ANKRD31: variants seen among roughly 807,000 people sequenced by gnomAD.
ANKRD31 encodes ankyrin repeat domain 31.
ANKRD31 carries 147 observed loss-of-function variants against 186.0 expected under a neutral mutation model. The ratio of observed to expected loss-of-function variants is 0.79; its 90% CI spans 0.69 to 0.91. The LOEUF is 0.91. Ranked by LOEUF, ANKRD31 falls within the 40% of genes least tolerant of loss-of-function variation. ANKRD31 has a pLI of 0.00. For missense variants in ANKRD31, 1,986 were observed against 2,148.8 expected (o/e 0.92, Z 1.50); for synonymous variants, 673 against 736.4 (o/e 0.91, Z 1.39).
chr5:75,147,542 A>G, intron 13 of ANKRD31, 37 bp from the exon 14 acceptor site: 10 of 1,275,572 alleles, frequency 7.8e-6, no homozygotes, highest in Non-Finnish European at 1.0e-5. Context: ...TTTAATTTTC[A>G]GCGGTAGTAC....
At chr5:75,163,342 T>C (rs1476871270) in intron 11 of ANKRD31, among the ~76,000 whole-genome samples, 1 of 152,186 alleles carries the variant, frequency 6.6e-6, no homozygotes, top group Non-Finnish European at 1.5e-5. Flanking sequence ...GTAATGCACA[T>C]AGGTCTTGGC....
At chr5:75,163,557 A>G (rs1362108385) in intron 11 of ANKRD31, among the ~76,000 whole-genome samples, 3 of 152,316 alleles carry the variant, frequency 2.0e-5, no homozygotes, top group South Asian at 2.1e-4. Context: ...GTTGACTGCA[A>G]TCATCATATG....
intron 2 of ANKRD31, among the ~76,000 whole-genome samples, chr5:75,224,344 A>G (rs1281743205): frequency 6.6e-6 from 1 of 151,674 alleles, no homozygotes; most frequent in African/African-American, 2.4e-5. Flanking sequence ...GCTGTGGCCA[A>G]TTACTCTGTA....
At chr5:75,224,576 A>G (rs1398722774) in intron 2 of ANKRD31, among the ~76,000 whole-genome samples, 3 of 151,970 alleles carry the variant, frequency 2.0e-5, no homozygotes, top group Non-Finnish European at 4.4e-5. Flanking sequence ...AATAAATGAT[A>G]TTAGGAAAAT....
intron 17 of ANKRD31, among the ~76,000 whole-genome samples, chr5:75,132,132 G>A (rs1016373687): frequency 6.6e-5 from 10 of 152,324 alleles, no homozygotes; most frequent in East Asian, 1.9e-4. Context: ...GCAGCTCCTC[G>A]CCAGCAATGG....
At chr5:75,210,518 A>C (rs1024425366) in intron 4 of ANKRD31, among the ~76,000 whole-genome samples, 7 of 152,174 alleles carry the variant, frequency 4.6e-5, no homozygotes, top group Admixed American at 1.3e-4. Flanking sequence ...AATTTCAATA[A>C]GTTTTACAAA....
At chr5:75,189,343 C>T (rs1754947744) in intron 9 of ANKRD31, among the ~76,000 whole-genome samples, 1 of 152,124 alleles carries the variant, frequency 6.6e-6, no homozygotes, top group African/African-American at 2.4e-5. Flanking sequence ...GTTTGGAGGG[C>T]AATACTCATC....
intron 3 of ANKRD31, among the ~76,000 whole-genome samples, chr5:75,215,759 A>T (rs1442723425): frequency 1.3e-5 from 2 of 152,104 alleles, no homozygotes; most frequent in Non-Finnish European, 2.9e-5. Context: ...ATTTATTTAG[A>T]AACCTGTTTC....
At chr5:75,084,221 G>T in intron 24 of ANKRD31, 51 bp downstream of exon 24, 1 of 1,292,328 alleles carries the variant, frequency 7.7e-7, no homozygotes, top group Non-Finnish European at 1.1e-6. Flanking sequence ...TTTCCAGTAG[G>T]TTTTGGTGTT....
rs182725536 is a variant in ANKRD31, at chr5:75,141,721, T to A, written c.3595+2280A>T. On this transcript the variant is annotated intron_variant, in intron 15 of 25. Coordinates refer to ENST00000506364, the MANE Select transcript of ANKRD31 (RefSeq NM_001372053.1). ...GGGATGCTGGGGTGGGAGAATCATG[T>A]GAGCCTGGGAGGTCAAGGCTGCAGT... Among the ~76,000 whole-genome samples, 4 of 152,066 alleles carry A rather than the reference T, an allele frequency of 2.6e-5. No individual in the cohort carries two copies. The East Asian group carries it at 7.8e-4, about 30-fold the overall frequency.
chr5:75,156,653 T>C (rs1180882800), intron 11 of ANKRD31, among the ~76,000 whole-genome samples: 6 of 152,112 alleles, frequency 3.9e-5, no homozygotes, highest in African/African-American at 1.2e-4. Context: ...ATCACAAGCA[T>C]CCTTAAGAAA....
chr5:75,147,418 T>C lies in ANKRD31; in HGVS notation c.1993A>G (p.Lys665Glu), dbSNP rs1333608091. Residue 665 changes from lysine to glutamate, a missense_variant, in exon 14 of 26, where the codon AAA (lysine) becomes GAA (glutamate). Lys to Glu is a moderately conservative substitution (Grantham distance 56). Transcript: ENST00000506364. ...RQKLEHVKVN[K>E]GSKASLFINK... ...ATAAATAAACTCGCTTTGCTTCCTT[T>C]ATTGACTTTTACATGTTCCAGCTTC... 1 of 1,521,708 alleles carries C rather than the reference T, an allele frequency of 6.6e-7. No homozygotes were observed. Among genetic ancestry groups the C allele is most frequent in the Non-Finnish European group, 8.8e-7 (1 of 1,141,524 alleles). The allele number at this position is 1,521,708 out of a possible 1,614,324, so 94.3% of individuals were successfully genotyped here.
At chr5:75,147,884 C>T (rs1751589445) in intron 13 of ANKRD31, among the ~76,000 whole-genome samples, 1 of 151,678 alleles carries the variant, frequency 6.6e-6, no homozygotes, top group Non-Finnish European at 1.5e-5. Flanking sequence ...TGTTGGTGTA[C>T]ATCTTTTGTG....
chr5:75,139,586 A>C lies in ANKRD31; in HGVS notation c.3596-603T>G, dbSNP rs554466879. 9.9e-5 allele frequency among the ~76,000 whole-genome samples: 15 copies of C among 152,278 alleles called. No individual in the cohort carries two copies. The South Asian group carries it at 3.1e-3, about 32-fold the overall frequency. Reference sequence around the variant, plus strand: ...CCATGCTAAAATGACAGTAAAAGAAATTTTAAAGTACCATATTAAAAAAAT... The same window carrying C: ...CCATGCTAAAATGACAGTAAAAGAACTTTTAAAGTACCATATTAAAAAAAT... On this transcript the variant is annotated intron_variant, in intron 15 of 25. Transcript: ENST00000506364.
intron 22 of ANKRD31, among the ~76,000 whole-genome samples, chr5:75,103,135 T>C (rs902645479): frequency 1.3e-5 from 2 of 152,232 alleles, no homozygotes; most frequent in African/African-American, 2.4e-5. Context: ...ATTTTCTGCA[T>C]ATGGCTAGCC....
chr5:75,181,811 C>T (rs560603973), intron 10 of ANKRD31, among the ~76,000 whole-genome samples: 50 of 151,490 alleles, frequency 3.3e-4, no homozygotes, highest in Non-Finnish European at 5.3e-4. Flanking sequence ...GTGCAGCACA[C>T]CAACGTGGCA....
intron 23 of ANKRD31, among the ~76,000 whole-genome samples, chr5:75,090,311 T>G (rs1322970375): frequency 6.6e-6 from 1 of 152,156 alleles, no homozygotes; most frequent in Non-Finnish European, 1.5e-5. Flanking sequence ...GAATCCAGAA[T>G]GTGCTGATGT....
At chr5:75,188,894 A>C (rs781356921) in intron 9 of ANKRD31, among the ~76,000 whole-genome samples, 1 of 152,226 alleles carries the variant, frequency 6.6e-6, no homozygotes, top group African/African-American at 2.4e-5. Flanking sequence ...GAAGTAAACT[A>C]TAAATCATGA....
intron 11 of ANKRD31, among the ~76,000 whole-genome samples, chr5:75,163,330 G>T (rs1052998515): frequency 6.6e-6 from 1 of 152,148 alleles, no homozygotes; most frequent in African/African-American, 2.4e-5. Flanking sequence ...AACCCACAGT[G>T]AGTAATGCAC....
Sources: gnomAD v4.1 joint callset for allele counts (sites outside exome capture counted in the v4.1 genomes callset) on GRCh38, gnomAD v4.1.1 for gene constraint, MANE v1.5 for transcripts, NCBI Gene and HGNC (gene_info 2026-07-23, HGNC 2026-07-21) for gene names.